Variants in PPP1R3A observed in about 807,000 individuals in gnomAD.
PPP1R3A encodes the protein RG1.
PPP1R3A carries 29 observed loss-of-function variants against 41.7 expected under a neutral mutation model. That is an observed-to-expected ratio of 0.70 (90% CI 0.52 to 0.95). The LOEUF (loss-of-function observed/expected upper bound fraction) is 0.95. Among genes scored for constraint, PPP1R3A ranks in the 40% least tolerant of loss-of-function variants. PPP1R3A has a pLI of 0.00. For synonymous variants in PPP1R3A, 485 were observed against 453.4 expected (o/e 1.07, Z -0.89); for missense variants, 1,352 against 1,292.4 (o/e 1.05, Z -0.71).
Position 113,918,870 on chromosome 7 carries a change from T to C in PPP1R3A, c.127A>G (p.Arg43Gly). 6.2e-7 allele frequency: 1 copy of C among 1,613,842 alleles called. No homozygotes were observed. The highest frequency in any genetic ancestry group is 2.2e-5 in the East Asian group (1 of 44,848). Residue 43 changes from arginine to glycine, a missense_variant, in exon 1 of 4, where the codon AGA becomes GGA. Coordinates refer to ENST00000284601, the MANE Select transcript of PPP1R3A (RefSeq NM_002711.4). ...FQPGFSPQPS[R>G]RGSDSSEDIY... ...TCTTCAGAAGAATCAGAACCTCGTC[T>C]ACTTGGTTGAGGGGAGAAACCAGGT...
intron 1 of PPP1R3A, among the ~76,000 whole-genome samples, chr7:113,916,510 C>T (rs928603615): frequency 8.5e-5 from 13 of 152,094 alleles, no homozygotes; most frequent in South Asian, 6.2e-4. Context: ...AAAGGAATCC[C>T]CTATCCAAAC....
intron 1 of PPP1R3A, among the ~76,000 whole-genome samples, chr7:113,912,289 G>A (rs529452786): frequency 6.6e-6 from 1 of 152,014 alleles, no homozygotes; most frequent in Non-Finnish European, 1.5e-5. Context: ...AACTCAAAGT[G>A]CCTCTGTGCA....
rs958160692 is a variant in PPP1R3A at position 113,918,334 on chromosome 7, A to G, written c.663T>C (p.Asn221=). ...YETSVGTFWS[N]NNGTNYTFIC... is the part of the protein sequence containing the mutation. ...TGAATGTATAATTTGTGCCATTATT[A>G]TTTGACCAAAATGTACCAACAGAAG... Residue 221 remains asparagine, a synonymous_variant, in exon 1 of 4, where the codon AAT becomes AAC. Coordinates refer to ENST00000284601, the MANE Select transcript of PPP1R3A (RefSeq NM_002711.4). 1 of 1,613,050 alleles carries G rather than the reference A, an allele frequency of 6.2e-7. No homozygotes were observed. Among genetic ancestry groups the G allele is most frequent in the African/African-American group, 1.3e-5 (1 of 74,846 alleles).
At chr7:113,902,713 TGA>T (rs1777710192) in intron 1 of PPP1R3A, among the ~76,000 whole-genome samples, 1 of 151,886 alleles carries the variant, frequency 6.6e-6, no homozygotes, top group South Asian at 2.1e-4. Flanking sequence ...TGCATTCTTT[TGA>T]GAAAGTGAAG....
At chr7:113,885,618 C>T (rs1269448746) in intron 1 of PPP1R3A, among the ~76,000 whole-genome samples, 1 of 151,568 alleles carries the variant, frequency 6.6e-6, no homozygotes, top group Non-Finnish European at 1.5e-5. Context: ...AGAATAGATA[C>T]AAAACTATTA....
intron 1 of PPP1R3A, among the ~76,000 whole-genome samples, chr7:113,905,060 T>A (rs760766753): frequency 1.3e-5 from 2 of 151,664 alleles, no homozygotes; most frequent in Non-Finnish European, 3.0e-5. Context: ...CTTCAGCTTT[T>A]GTACAATGAA....
At chr7:113,902,786 TTTATAC>T (rs1797088122) in intron 1 of PPP1R3A, among the ~76,000 whole-genome samples, 3 of 152,036 alleles carry the variant, frequency 2.0e-5, no homozygotes, top group Admixed American at 6.6e-5. Context: ...TTAGTTGTTC[TTTATAC>T]TTATAATTTA....
intron 1 of PPP1R3A, among the ~76,000 whole-genome samples, chr7:113,913,460 G>T (rs1159187411): frequency 6.6e-6 from 1 of 151,894 alleles, no homozygotes; most frequent in Admixed American, 6.6e-5. Flanking sequence ...AACGTACCTG[G>T]TTTTTTTCCT....
chr7:113,898,935 G>A (rs1488500383), intron 1 of PPP1R3A, among the ~76,000 whole-genome samples: 1 of 151,742 alleles, frequency 6.6e-6, no homozygotes, highest in Non-Finnish European at 1.5e-5. Context: ...TCTTTTTCCA[G>A]GGCCTGAAAG....
intron 1 of PPP1R3A, among the ~76,000 whole-genome samples, chr7:113,902,827 T>G (rs192441473): frequency 5.9e-4 from 90 of 151,996 alleles, no homozygotes; most frequent in African/African-American, 2.1e-3. Context: ...TCCATTAGGA[T>G]GTAAGCTACG....
chr7:113,908,656 A>G (rs1422237143), intron 1 of PPP1R3A, among the ~76,000 whole-genome samples: 2 of 151,952 alleles, frequency 1.3e-5, no homozygotes, highest in East Asian at 3.9e-4. Flanking sequence ...TTTTATTTTT[A>G]TAAATTTATT....
chr7:113,901,385 G>GA (rs1797059222), intron 1 of PPP1R3A, among the ~76,000 whole-genome samples: 2 of 151,672 alleles, frequency 1.3e-5, no homozygotes, highest in African/African-American at 4.8e-5. Flanking sequence ...TTGATGAGTA[G>GA]AAAAAAGCAG....
intron 1 of PPP1R3A, among the ~76,000 whole-genome samples, chr7:113,894,379 G>A (rs917964663): frequency 6.6e-5 from 10 of 151,964 alleles, no homozygotes; most frequent in African/African-American, 2.2e-4. Flanking sequence ...ATATACTTCA[G>A]AGAGATACCA....
At chr7:113,892,620 G>C (rs544926445) in intron 1 of PPP1R3A, among the ~76,000 whole-genome samples, 1 of 152,010 alleles carries the variant, frequency 6.6e-6, no homozygotes, top group Non-Finnish European at 1.5e-5. Flanking sequence ...TTGATTAAAA[G>C]AGGGATCAGT....
chr7:113,888,640 G>A (rs1348982196), intron 1 of PPP1R3A, among the ~76,000 whole-genome samples: 1 of 152,158 alleles, frequency 6.6e-6, no homozygotes, highest in Non-Finnish European at 1.5e-5. Flanking sequence ...TGGGTGACTT[G>A]CTTCCCAGGA....
intron 1 of PPP1R3A, among the ~76,000 whole-genome samples, chr7:113,907,116 C>G (rs573442167): frequency 1.3e-5 from 2 of 151,642 alleles, no homozygotes; most frequent in Non-Finnish European, 3.0e-5. Context: ...TAAAAACATC[C>G]TTTTGGCTGT....
chr7:113,894,246 A>G (rs546987307), intron 1 of PPP1R3A, among the ~76,000 whole-genome samples: 2 of 152,084 alleles, frequency 1.3e-5, no homozygotes, highest in African/African-American at 4.8e-5. Flanking sequence ...GCATTCATAA[A>G]TTGTAAGCTG....
At chr7:113,890,536 G>A (rs565057121) in intron 1 of PPP1R3A, among the ~76,000 whole-genome samples, 17 of 152,190 alleles carry the variant, frequency 1.1e-4, no homozygotes, top group African/African-American at 2.4e-4. Context: ...TGTGGTACAC[G>A]AAGTGCCTCT....
Position 113,879,826 on chromosome 7 carries a change from A to G in PPP1R3A, c.1266T>C (p.Thr422=). ...MGEIKPSLGD[T]SSDELVQLHT... The stretch of plus-strand genomic sequence containing the variant: ...GTAATTGCACTAGTTCATCACTACT[A>G]GTATCTCCCAATGATGGCTTGATTT... The change falls in exon 4 of 4, where the codon ACT becomes ACC. Residue 422 remains threonine, a synonymous_variant. Transcript: ENST00000284601. The G allele has an allele frequency of 6.2e-7, 1 of 1,613,536 alleles. No individual in the cohort carries two copies. Among genetic ancestry groups the G allele is most frequent in the Non-Finnish European group, 8.5e-7 (1 of 1,179,672 alleles).
Sources: gnomAD v4.1 joint callset for allele counts (sites outside exome capture counted in the v4.1 genomes callset) on GRCh38, gnomAD v4.1.1 for gene constraint, MANE v1.5 for transcripts, NCBI Gene and HGNC (gene_info 2026-07-23, HGNC 2026-07-21) for gene names.